Variants in PTPRD observed in about 807,000 individuals in gnomAD.
PTPRD encodes protein tyrosine phosphatase receptor type D, also known as receptor-type tyrosine-protein phosphatase delta.
PTPRD carries 34 observed loss-of-function variants against 214.5 expected under a neutral mutation model. That is an observed-to-expected ratio of 0.16 (90% CI 0.12 to 0.21). The LOEUF (loss-of-function observed/expected upper bound fraction) is 0.21, where lower values mean the gene tolerates loss of function less well. Among genes scored for constraint, PTPRD ranks in the 10% least tolerant of loss-of-function variants. The probability of loss-of-function intolerance (pLI) is 1.00; values close to 1 mark genes in which losing one functional copy is unlikely to be tolerated. For synonymous variants in PTPRD, 1,128 were observed against 845.7 expected, an observed-to-expected ratio of 1.33 and a Z score of -5.79; for missense variants, 2,545 against 2,398.7, an observed-to-expected ratio of 1.06 and a Z score of -1.27.
chr9:9,484,134 CT>C (rs2095530361), intron 8 of PTPRD, among the ~76,000 whole-genome samples: 1 of 151,238 alleles, frequency 6.6e-6, no homozygotes, highest in Non-Finnish European at 1.5e-5. Flanking sequence ...TTGATTTAAA[CT>C]AATTATAATT....
chr9:10,558,030 T>C (rs1240422679), intron 2 of PTPRD, among the ~76,000 whole-genome samples: 1 of 152,164 alleles, frequency 6.6e-6, no homozygotes, highest in East Asian at 1.9e-4. Flanking sequence ...CCCCTGCATT[T>C]TCATTTCATA....
Position 8,590,597 on chromosome 9 carries a change from T to C in PTPRD, c.352+42720A>G, listed in dbSNP as rs118000080. ...ACCCAAAAACCAAAAAGACACTGTG[T>C]TCACTAACTGGCACTAGGTATGAAC... On this transcript the variant is annotated intron_variant, in intron 14 of 45. Coordinates refer to ENST00000381196, the MANE Select transcript of PTPRD (RefSeq NM_002839.4). 9.7e-3 allele frequency among the ~76,000 whole-genome samples: 1,484 copies of C among 152,288 alleles called. 5 individuals are homozygous for C. The highest frequency in any genetic ancestry group is 0.015 in the Non-Finnish European group (1,029 of 68,010).
chr9:8,460,577 G>A lies in PTPRD; in HGVS notation c.3715-6C>T, dbSNP rs2096368619. On this transcript the variant is annotated splice_polypyrimidine_tract_variant and splice_region_variant and intron_variant, in intron 32 of 45. Coordinates refer to ENST00000381196, the MANE Select transcript of PTPRD (RefSeq NM_002839.4). ...GGGCTGGTTGCATACATCTTCTGAG[G>A]AAAAGCAGAGTCTATTTCAGTTATA... 6.2e-7 allele frequency: 1 copy of A among 1,609,802 alleles called. No individual in the cohort carries two copies.
chr9:8,608,324 AAAGT>A (rs1490816781), intron 14 of PTPRD, among the ~76,000 whole-genome samples: 1 of 152,206 alleles, frequency 6.6e-6, no homozygotes, highest in African/African-American at 2.4e-5. Context: ...AAATTTTAGT[AAAGT>A]ATTTTGCTTA....
intron 9 of PTPRD, among the ~76,000 whole-genome samples, chr9:9,234,469 C>T (rs538803141): frequency 6.6e-6 from 1 of 152,318 alleles, no homozygotes; most frequent in African/African-American, 2.4e-5. Flanking sequence ...TGGTGATTAA[C>T]ATTTGGTTCC....
At chr9:9,646,308 T>G (rs539056111) in intron 7 of PTPRD, among the ~76,000 whole-genome samples, 53 of 145,458 alleles carry the variant, frequency 3.6e-4, no homozygotes, top group Admixed American at 3.1e-3. Flanking sequence ...GAGGGGTGTG[T>G]GTGTGTGTGG....
At chr9:10,175,530 T>G (rs1203083642) in intron 3 of PTPRD, among the ~76,000 whole-genome samples, 1 of 151,996 alleles carries the variant, frequency 6.6e-6, no homozygotes, top group Non-Finnish European at 1.5e-5. Flanking sequence ...GAACAGAAAG[T>G]GATGGCCTAA....
At chr9:10,064,089 C>A (rs945416640) in intron 3 of PTPRD, among the ~76,000 whole-genome samples, 1 of 151,388 alleles carries the variant, frequency 6.6e-6, no homozygotes, top group Non-Finnish European at 1.5e-5. Context: ...TTATTTAGGT[C>A]TTTTTTTGTC....
intron 12 of PTPRD, among the ~76,000 whole-genome samples, chr9:8,703,107 T>A (rs1157512101): frequency 1.3e-5 from 2 of 152,174 alleles, no homozygotes; most frequent in Admixed American, 6.5e-5. Flanking sequence ...AGATACCAAA[T>A]TATGAAAAAG....
intron 7 of PTPRD, among the ~76,000 whole-genome samples, chr9:9,663,212 A>G (rs1290449411): frequency 6.6e-6 from 1 of 151,430 alleles, no homozygotes; most frequent in Non-Finnish European, 1.5e-5. Flanking sequence ...TTTAATCTCC[A>G]CATTACTCAG....
At chr9:9,190,560 G>A (rs1188968239) in intron 9 of PTPRD, among the ~76,000 whole-genome samples, 2 of 151,934 alleles carry the variant, frequency 1.3e-5, no homozygotes, top group Non-Finnish European at 1.5e-5. Context: ...CTAATACAAC[G>A]AGTTAGCCCC....
chr9:8,669,484 G>C (rs1021971060), intron 12 of PTPRD, among the ~76,000 whole-genome samples: 4 of 152,078 alleles, frequency 2.6e-5, no homozygotes, highest in African/African-American at 9.7e-5. Context: ...CATCCCTAGA[G>C]TTTGGGTTGG....
chr9:10,070,023 TA>T (rs1228260883), intron 3 of PTPRD, among the ~76,000 whole-genome samples: 1 of 152,034 alleles, frequency 6.6e-6, no homozygotes, highest in East Asian at 1.9e-4. Context: ...AACCAAGACC[TA>T]CTGATTCCAA....
chr9:10,194,128 C>G (rs2099386300), intron 3 of PTPRD, among the ~76,000 whole-genome samples: 1 of 151,928 alleles, frequency 6.6e-6, no homozygotes, highest in Admixed American at 6.6e-5. Flanking sequence ...AAATCAGTCA[C>G]CAATGTAATT....
At chr9:8,670,998 T>C (rs77915709) in intron 12 of PTPRD, among the ~76,000 whole-genome samples, 8 of 152,232 alleles carry the variant, frequency 5.3e-5, no homozygotes, top group African/African-American at 1.9e-4. Flanking sequence ...CCTGTGTGTG[T>C]GGATGTGGAG....
intron 7 of PTPRD, among the ~76,000 whole-genome samples, chr9:9,663,654 C>G (rs1350083006): frequency 6.6e-6 from 1 of 151,632 alleles, no homozygotes; most frequent in Non-Finnish European, 1.5e-5. Flanking sequence ...CCTTCCGCTT[C>G]ATATCCAAAT....
intron 9 of PTPRD, among the ~76,000 whole-genome samples, chr9:9,277,496 C>A (rs1006181965): frequency 5.3e-5 from 8 of 151,292 alleles, no homozygotes; most frequent in African/African-American, 1.9e-4. Context: ...AACACAGACT[C>A]ATCAGAAATA....
chr9:8,636,875 T>G, intron 12 of PTPRD, 31 bp from the exon 13 acceptor site: 2 of 1,606,002 alleles, frequency 1.2e-6, no homozygotes, highest in Non-Finnish European at 1.7e-6. Flanking sequence ...CACAGTTAAA[T>G]TGAAAACTGA....
intron 5 of PTPRD, among the ~76,000 whole-genome samples, chr9:9,923,626 G>C (rs2083292622): frequency 1.3e-5 from 2 of 151,942 alleles, no homozygotes; most frequent in African/African-American, 4.8e-5. Flanking sequence ...CAAACAAAAA[G>C]GGAATCAGGC....
Sources: allele counts gnomAD v4.1 joint callset (sites outside exome capture counted in the v4.1 genomes callset), GRCh38; gene constraint gnomAD v4.1.1; transcripts MANE v1.5; gene names NCBI Gene and HGNC (gene_info 2026-07-23, HGNC 2026-07-21).